The following EXOG variants were observed in gnomAD, a reference collection of about 807,000 sequenced individuals.
EXOG encodes the protein exo/endonuclease G, also known as nuclease EXOG, mitochondrial.
EXOG carries 27 observed loss-of-function variants against 25.8 expected under a neutral mutation model. The ratio of observed to expected loss-of-function variants is 1.05; its 90% CI spans 0.77 to 1.45. The LOEUF (loss-of-function observed/expected upper bound fraction) is 1.45. Among genes scored for constraint, EXOG ranks in the 40% most tolerant of loss-of-function variants. EXOG has a pLI of 0.00. For missense variants in EXOG, 458 were observed against 450.5 expected, an observed-to-expected ratio of 1.02 and a Z score of -0.15; for synonymous variants, 133 against 167.0, an observed-to-expected ratio of 0.80 and a Z score of 1.57.
At chr3:38,508,710 C>CA (rs1354613560) in intron 5 of EXOG, among the ~76,000 whole-genome samples, 1 of 120,580 alleles carries the variant, frequency 8.3e-6, no homozygotes, top group South Asian at 2.6e-4. Flanking sequence ...ATTGAGGAAC[C>CA]ACCCCCCCCC....
Position 38,526,161 on chromosome 3 carries a change from C to A in EXOG, c.*1799C>A. On this transcript the variant is annotated 3_prime_UTR_variant, in exon 6 of 6. Coordinates refer to ENST00000287675, the MANE Select transcript of EXOG (RefSeq NM_005107.4). ...ACTATCCTGAGTATTGTCAGTAAAA[C>A]GTCTTGGGGCATAAGAACTTGTCTG... 1.0e-6 allele frequency: 1 copy of A among 985,220 alleles called. No homozygotes were observed. The highest frequency in any genetic ancestry group is 1.2e-6 in the Non-Finnish European group (1 of 829,820). 61.0% of individuals were successfully genotyped at this position (985,220 alleles called of 1,614,324 possible).
At chr3:38,507,978 A>G (rs1318053764) in intron 5 of EXOG, among the ~76,000 whole-genome samples, 1 of 152,086 alleles carries the variant, frequency 6.6e-6, no homozygotes, top group African/African-American at 2.4e-5. Flanking sequence ...TAAAAATACA[A>G]AAATTATCTG....
At chr3:38,517,805 T>C (rs1178663090) in intron 5 of EXOG, among the ~76,000 whole-genome samples, 1 of 152,236 alleles carries the variant, frequency 6.6e-6, no homozygotes, top group African/African-American at 2.4e-5. Flanking sequence ...CACGAATCCA[T>C]ATTTCTGGAG....
At chr3:38,511,246 A>G (rs565976639) in intron 5 of EXOG, among the ~76,000 whole-genome samples, 22 of 152,292 alleles carry the variant, frequency 1.4e-4, no homozygotes, top group Admixed American at 1.4e-3. Context: ...TTACTTAGAC[A>G]TACCGAAGCT....
chr3:38,518,526 A>G (rs2060615473), intron 5 of EXOG, among the ~76,000 whole-genome samples: 1 of 152,222 alleles, frequency 6.6e-6, no homozygotes, highest in Non-Finnish European at 1.5e-5. Flanking sequence ...TACGTACGGC[A>G]ATTCAGAGTG....
At chr3:38,504,465 T>G (rs2060139565) in intron 4 of EXOG, among the ~76,000 whole-genome samples, 1 of 152,144 alleles carries the variant, frequency 6.6e-6, no homozygotes, top group African/African-American at 2.4e-5. Context: ...AGACAAAGTC[T>G]CACACTGTCG....
intron 5 of EXOG, chr3:38,513,902 G>C (rs759746492): frequency 6.6e-6 from 1 of 152,232 alleles, no homozygotes; most frequent in Non-Finnish European, 1.5e-5. Flanking sequence ...TATAAAGCAC[G>C]GTAGAGGATT....
intron 5 of EXOG, among the ~76,000 whole-genome samples, chr3:38,514,355 T>C (rs933949222): frequency 1.3e-5 from 2 of 152,180 alleles, no homozygotes; most frequent in Admixed American, 6.5e-5. Context: ...AGAAGTGGTA[T>C]GATTTAAGAT....
chr3:38,523,234 A>G, intron 5 of EXOG: 1 of 1,289,032 alleles, frequency 7.8e-7, no homozygotes, highest in Non-Finnish European at 1.0e-6. Flanking sequence ...AGAAGTTCTG[A>G]TTATGAGATG....
intron 3 of EXOG, among the ~76,000 whole-genome samples, chr3:38,502,414 T>C (rs1470880833): frequency 1.3e-5 from 2 of 152,226 alleles, no homozygotes; most frequent in African/African-American, 4.8e-5. Flanking sequence ...TAAAAAATTT[T>C]TTTAATTTGT....
chr3:38,511,212 A>C (rs184239058), intron 5 of EXOG, among the ~76,000 whole-genome samples: 105 of 152,264 alleles, frequency 6.9e-4, no homozygotes, highest in Non-Finnish European at 1.3e-3. Context: ...AACTTTTATT[A>C]ATTCTCTTTT....
chr3:38,510,054 GA>G (rs2060319960), intron 5 of EXOG, among the ~76,000 whole-genome samples: 1 of 152,152 alleles, frequency 6.6e-6, no homozygotes, highest in South Asian at 2.1e-4. Context: ...TTACAGTGAA[GA>G]AACATCCCAT....
At chr3:38,497,930 C>A in intron 2 of EXOG, 152 bp downstream of exon 2, 1 of 1,000,278 alleles carries the variant, frequency 1.0e-6, no homozygotes, top group Admixed American at 3.7e-5. Context: ...TAAATCAACC[C>A]TGCCTGGCAG....
rs548899644 is a variant in EXOG, at chr3:38,500,973, G to A, written c.314-382G>A. On this transcript the variant is annotated intron_variant, in intron 2 of 5. Transcript: ENST00000287675. Reference sequence around the variant, plus strand: ...ACACATAAACTTGTCAAATACAATCGTACAAAATACAATACATGGGAGTCT... The same window carrying A: ...ACACATAAACTTGTCAAATACAATCATACAAAATACAATACATGGGAGTCT... Among the ~76,000 whole-genome samples, 16 of 152,170 alleles carry A rather than the reference G, an allele frequency of 1.1e-4. No homozygotes were observed. In the East Asian group the frequency reaches 1.9e-3, roughly 18 times the overall value.
intron 5 of EXOG, chr3:38,519,300 C>T (rs948442403): frequency 1.7e-4 from 26 of 152,166 alleles, no homozygotes; most frequent in African/African-American, 6.3e-4. Flanking sequence ...GTTCCTGTTT[C>T]AAGAAGAGGT....
chr3:38,501,004 A>T (rs1056260835), intron 2 of EXOG, among the ~76,000 whole-genome samples: 5 of 152,184 alleles, frequency 3.3e-5, no homozygotes, highest in South Asian at 2.1e-4. Flanking sequence ...AGTCTTTTTT[A>T]AAAAACAAGA....
chr3:38,523,290 A>G (rs1250878641), intron 5 of EXOG: 12 of 1,287,868 alleles, frequency 9.3e-6, no homozygotes, highest in African/African-American at 1.5e-5. Context: ...ACCAGGACTC[A>G]CTCATGGCAT....
In EXOG at chr3:38,510,338, A is replaced by G. The variant is rs186771693; in HGVS notation, c.645+3370A>G. Among the ~76,000 whole-genome samples, 846 of 152,294 alleles carry G rather than the reference A, an allele frequency of 5.6e-3. 8 individuals are homozygous for G. The highest frequency in any genetic ancestry group is 0.02 in the African/African-American group (811 of 41,586). On this transcript the variant is annotated intron_variant, in intron 5 of 5. Coordinates refer to ENST00000287675, the MANE Select transcript of EXOG (RefSeq NM_005107.4). ...TCCTAGACCAGAAAAAAGTTGCTAAAAAGGATGTTATTGGGAGAATTGGCA... is the reference window on the plus strand; with the variant it reads ...TCCTAGACCAGAAAAAAGTTGCTAAGAAGGATGTTATTGGGAGAATTGGCA...
chr3:38,497,861 T>G, intron 2 of EXOG, 83 bp downstream of exon 2: 1 of 1,480,640 alleles, frequency 6.8e-7, no homozygotes, highest in Non-Finnish European at 9.1e-7. Context: ...TTATTAATAT[T>G]CTCAACCTTT....
Sources: allele counts gnomAD v4.1 joint callset (sites outside exome capture counted in the v4.1 genomes callset), GRCh38; gene constraint gnomAD v4.1.1; transcripts MANE v1.5; gene names NCBI Gene and HGNC (gene_info 2026-07-23, HGNC 2026-07-21).